CNTN5: variants seen among roughly 807,000 people sequenced by gnomAD.
CNTN5 encodes the protein contactin 5.
A neutral mutation model predicts 129.1 loss-of-function variants in CNTN5; 77 were observed. The observed-to-expected ratio is 0.60, with a 90% CI of 0.50 to 0.72. The LOEUF is 0.72. CNTN5 is among the 30% of genes least tolerant of loss of function. The pLI, the probability that CNTN5 is intolerant of heterozygous loss-of-function variation, is 0.00. For synonymous variants in CNTN5, 509 were observed against 465.6 expected, an observed-to-expected ratio of 1.09 and a Z score of -1.20; for missense variants, 1,478 against 1,328.8, an observed-to-expected ratio of 1.11 and a Z score of -1.75.
intron 13 of CNTN5, among the ~76,000 whole-genome samples, chr11:100,168,822 G>A (rs1040727797): frequency 1.3e-5 from 2 of 151,960 alleles, no homozygotes; most frequent in African/African-American, 2.4e-5. Flanking sequence ...AATTAAAAAC[G>A]TTCTGGAAAA....
At chr11:99,134,954 A>G (rs1313855888) in intron 1 of CNTN5, among the ~76,000 whole-genome samples, 1 of 152,218 alleles carries the variant, frequency 6.6e-6, no homozygotes, top group Non-Finnish European at 1.5e-5. Context: ...ATCTCCTATC[A>G]GTAGTATAAT....
At chr11:99,065,177 T>C (rs576197318) in intron 1 of CNTN5, among the ~76,000 whole-genome samples, 1 of 152,170 alleles carries the variant, frequency 6.6e-6, no homozygotes, top group African/African-American at 2.4e-5. Flanking sequence ...TTTCCCATTA[T>C]AGATGAAAAT....
intron 3 of CNTN5, among the ~76,000 whole-genome samples, chr11:99,738,699 A>G (rs1433438920): frequency 1.3e-4 from 20 of 151,468 alleles, no homozygotes. Flanking sequence ...AGAAATGTTG[A>G]GTGAGAAATG....
intron 3 of CNTN5, among the ~76,000 whole-genome samples, chr11:99,687,198 A>G (rs546311648): frequency 7.0e-4 from 107 of 152,260 alleles, no homozygotes; most frequent in African/African-American, 2.5e-3. Context: ...ATTATAACAG[A>G]AACGAAAGAA....
intron 13 of CNTN5, among the ~76,000 whole-genome samples, chr11:100,115,647 A>G (rs1173309884): frequency 6.6e-6 from 1 of 152,040 alleles, no homozygotes; most frequent in African/African-American, 2.4e-5. Flanking sequence ...AGATGAGACC[A>G]TATGCTCAGT....
chr11:99,885,285 A>T (rs1948872807), intron 6 of CNTN5, among the ~76,000 whole-genome samples: 1 of 152,154 alleles, frequency 6.6e-6, no homozygotes, highest in South Asian at 2.1e-4. Flanking sequence ...CTGTCTCAAA[A>T]TAAAAAAAAG....
At chr11:99,184,275 T>C (rs1414684667) in intron 1 of CNTN5, among the ~76,000 whole-genome samples, 1 of 152,086 alleles carries the variant, frequency 6.6e-6, no homozygotes, top group Admixed American at 6.6e-5. Context: ...TTTTGCTCAT[T>C]ATACTATGTC....
At chr11:99,176,367 A>T (rs1210096069) in intron 1 of CNTN5, among the ~76,000 whole-genome samples, 2 of 152,090 alleles carry the variant, frequency 1.3e-5, no homozygotes, top group Admixed American at 1.3e-4. Flanking sequence ...TTCTACATTT[A>T]TTGCTCCAGA....
At chr11:99,033,805 G>T (rs1016424625) in intron 1 of CNTN5, among the ~76,000 whole-genome samples, 9 of 152,190 alleles carry the variant, frequency 5.9e-5, no homozygotes, top group African/African-American at 2.2e-4. Flanking sequence ...CCAACACTAT[G>T]GTGAATAGGA....
At chr11:99,610,150 A>G (rs773461808) in intron 3 of CNTN5, among the ~76,000 whole-genome samples, 1 of 152,164 alleles carries the variant, frequency 6.6e-6, no homozygotes, top group Non-Finnish European at 1.5e-5. Flanking sequence ...AATGTGTGCA[A>G]AACACTTAGC....
intron 6 of CNTN5, among the ~76,000 whole-genome samples, chr11:99,908,797 G>A (rs1338434227): frequency 6.6e-6 from 1 of 152,078 alleles, no homozygotes; most frequent in African/African-American, 2.4e-5. Context: ...AAAAGCATTT[G>A]CAATTTACTG....
At chr11:99,594,959 A>T (rs1456299792) in intron 3 of CNTN5, among the ~76,000 whole-genome samples, 1 of 152,226 alleles carries the variant, frequency 6.6e-6, no homozygotes, top group Non-Finnish European at 1.5e-5. Flanking sequence ...TAAGCCAGGT[A>T]CAGAATGACA....
intron 2 of CNTN5, among the ~76,000 whole-genome samples, chr11:99,356,062 G>A (rs867508348): frequency 2.6e-5 from 4 of 151,844 alleles, no homozygotes; most frequent in African/African-American, 4.8e-5. Context: ...TCCTGACCTC[G>A]TGATCTACCT....
chr11:100,096,048 C>CT (rs2138030481), intron 13 of CNTN5, among the ~76,000 whole-genome samples: 1 of 152,182 alleles, frequency 6.6e-6, no homozygotes, highest in East Asian at 1.9e-4. Flanking sequence ...ATATCATGGT[C>CT]TGGCCACCTG....
intron 2 of CNTN5, among the ~76,000 whole-genome samples, chr11:99,331,213 A>T (rs1042748921): frequency 1.3e-4 from 20 of 152,138 alleles, no homozygotes; most frequent in Admixed American, 6.6e-5. Flanking sequence ...AAGCTCAGAG[A>T]ACATTTTCTG....
At chr11:99,516,134 G>GC (rs1157835653) in intron 2 of CNTN5, among the ~76,000 whole-genome samples, 1 of 64,346 alleles carries the variant, frequency 1.6e-5, no homozygotes, top group African/African-American at 6.1e-5. Flanking sequence ...GGTGCTAATT[G>GC]TTAAAAAAAA....
intron 2 of CNTN5, among the ~76,000 whole-genome samples, chr11:99,330,763 T>G (rs1161090329): frequency 6.6e-6 from 1 of 152,134 alleles, no homozygotes; most frequent in African/African-American, 2.4e-5. Context: ...CTTTGAAAAC[T>G]CTCAGTCATT....
intron 3 of CNTN5, among the ~76,000 whole-genome samples, chr11:99,802,555 A>C (rs1946147546): frequency 6.6e-6 from 1 of 152,122 alleles, no homozygotes; most frequent in Non-Finnish European, 1.5e-5. Context: ...ACAAGGTTGG[A>C]GTCGGGGGTT....
chr11:100,194,356 G>A (rs1008695740), intron 15 of CNTN5, among the ~76,000 whole-genome samples: 1 of 151,898 alleles, frequency 6.6e-6, no homozygotes, highest in African/African-American at 2.4e-5. Flanking sequence ...GAGAAAGACA[G>A]ATGGAACTGG....
Sources: allele counts gnomAD v4.1 joint callset (sites outside exome capture counted in the v4.1 genomes callset), GRCh38; gene constraint gnomAD v4.1.1; transcripts MANE v1.5; gene names NCBI Gene and HGNC (gene_info 2026-07-23, HGNC 2026-07-21).